ANGPT1: variants seen among roughly 807,000 people sequenced by gnomAD.
ANGPT1 encodes angiopoietin-1.
In ANGPT1, 17 loss-of-function variants were observed where a neutral mutation model predicts 62.2. The ratio of observed to expected loss-of-function variants is 0.27; its 90% CI spans 0.19 to 0.41. The LOEUF (loss-of-function observed/expected upper bound fraction) is 0.41. ANGPT1 is among the 10% of genes least tolerant of loss of function. The probability of loss-of-function intolerance (pLI) is 1.00; values close to 1 mark genes in which losing one functional copy is unlikely to be tolerated. For synonymous variants in ANGPT1, 199 were observed against 198.9 expected (o/e 1.00, Z 0.00); for missense variants, 478 against 594.9 (o/e 0.80, Z 2.04).
intron 1 of ANGPT1, among the ~76,000 whole-genome samples, chr8:107,455,204 T>C (rs1321328267): frequency 1.3e-5 from 2 of 152,094 alleles, no homozygotes; most frequent in African/African-American, 4.8e-5. Flanking sequence ...GAGCCTTTCG[T>C]GATCTCCATG....
chr8:107,429,019 G>A (rs1342445755), intron 1 of ANGPT1, among the ~76,000 whole-genome samples: 2 of 152,054 alleles, frequency 1.3e-5, no homozygotes, highest in African/African-American at 4.8e-5. Context: ...CATATGCATC[G>A]GGCCATGTTA....
At chr8:107,288,374 T>C (rs1323068011) in intron 6 of ANGPT1, among the ~76,000 whole-genome samples, 1 of 152,188 alleles carries the variant, frequency 6.6e-6, no homozygotes, top group Non-Finnish European at 1.5e-5. Flanking sequence ...AAGCCCTCTC[T>C]TTCCATATCT....
intron 3 of ANGPT1, among the ~76,000 whole-genome samples, chr8:107,333,984 G>GGAAGGAA (rs1563573921): frequency 9.9e-5 from 6 of 60,456 alleles, no homozygotes; most frequent in African/African-American, 3.2e-4. Flanking sequence ...GAGGGAGGGA[G>GGAAGGAA]GGAGGGAGGG....
chr8:107,413,623 T>C (rs1351352601), intron 1 of ANGPT1, among the ~76,000 whole-genome samples: 1 of 150,156 alleles, frequency 6.7e-6, no homozygotes, highest in Non-Finnish European at 1.5e-5. Context: ...AATGAATTAC[T>C]ATTTATTAAA....
intron 6 of ANGPT1, 107 bp from the exon 7 acceptor site, chr8:107,284,955 G>T: frequency 1.0e-6 from 1 of 961,828 alleles, no homozygotes; most frequent in East Asian, 3.2e-5. Flanking sequence ...AAAAAGTAAA[G>T]GTTTTTGTTT....
chr8:107,460,651 A>G (rs1167915514), intron 1 of ANGPT1, among the ~76,000 whole-genome samples: 1 of 152,194 alleles, frequency 6.6e-6, no homozygotes, highest in Non-Finnish European at 1.5e-5. Flanking sequence ...TGCAGAGAAC[A>G]TGATGTGCTA....
intron 1 of ANGPT1, among the ~76,000 whole-genome samples, chr8:107,488,886 T>C (rs892475054): frequency 1.3e-5 from 2 of 152,204 alleles, no homozygotes; most frequent in African/African-American, 4.8e-5. Context: ...TGTTAAAATG[T>C]TTTATGAAAT....
At chr8:107,279,853 T>C (rs531207748) in intron 7 of ANGPT1, among the ~76,000 whole-genome samples, 1 of 152,038 alleles carries the variant, frequency 6.6e-6, no homozygotes, top group Admixed American at 6.6e-5. Flanking sequence ...GGATCCTGGA[T>C]AGTTATCCAG....
At chr8:107,330,089 A>C (rs1815385206) in intron 3 of ANGPT1, among the ~76,000 whole-genome samples, 2 of 152,276 alleles carry the variant, frequency 1.3e-5, no homozygotes, top group Admixed American at 1.3e-4. Flanking sequence ...GAGTTGAATA[A>C]GGAATGTCAG....
intron 1 of ANGPT1, among the ~76,000 whole-genome samples, chr8:107,467,513 C>A (rs959038706): frequency 6.6e-6 from 1 of 151,908 alleles, no homozygotes; most frequent in Non-Finnish European, 1.5e-5. Flanking sequence ...CCTGAAGAAA[C>A]CTGGGGACTT....
rs1226606411 is a variant in ANGPT1 at position 107,310,590 on chromosome 8, A to G, written c.809-7223T>C. Among the ~76,000 whole-genome samples, 3 of 152,296 alleles carry G rather than the reference A, an allele frequency of 2.0e-5. No individual in the cohort carries two copies. The East Asian group carries it at 5.8e-4, about 29-fold the overall frequency. On this transcript the variant is annotated intron_variant, in intron 4 of 8. Coordinates refer to ENST00000517746, the MANE Select transcript of ANGPT1 (RefSeq NM_001146.5). ...GAGAGAGGAGGCAGCAATGATAAGA[A>G]CAAAGAATATGTTGACATGAGGATA...
At chr8:107,310,469 T>G (rs1321611756) in intron 4 of ANGPT1, among the ~76,000 whole-genome samples, 1 of 152,160 alleles carries the variant, frequency 6.6e-6, no homozygotes, top group East Asian at 1.9e-4. Context: ...TTATCTCTGC[T>G]GACAAGAGCA....
chr8:107,262,701 A>G (rs1422437672), intron 8 of ANGPT1, among the ~76,000 whole-genome samples: 1 of 152,248 alleles, frequency 6.6e-6, no homozygotes, highest in Non-Finnish European at 1.5e-5. Flanking sequence ...GAACAATTGA[A>G]GGTGGTAGTG....
intron 8 of ANGPT1, among the ~76,000 whole-genome samples, chr8:107,253,389 A>G (rs1310871600): frequency 2.0e-5 from 3 of 152,224 alleles, no homozygotes; most frequent in Admixed American, 2.0e-4. Flanking sequence ...TTTATATTAT[A>G]AAAAGCATTC....
At chr8:107,262,702 G>C (rs1040335976) in intron 8 of ANGPT1, among the ~76,000 whole-genome samples, 1 of 152,216 alleles carries the variant, frequency 6.6e-6, no homozygotes, top group African/African-American at 2.4e-5. Context: ...AACAATTGAA[G>C]GTGGTAGTGA....
At chr8:107,404,019 A>C (rs1817097477) in intron 1 of ANGPT1, among the ~76,000 whole-genome samples, 1 of 152,166 alleles carries the variant, frequency 6.6e-6, no homozygotes, top group Admixed American at 6.6e-5. Context: ...GTTGCAACTT[A>C]ATATATTGGA....
intron 1 of ANGPT1, among the ~76,000 whole-genome samples, chr8:107,420,596 A>T (rs1475259719): frequency 6.6e-6 from 1 of 152,170 alleles, no homozygotes; most frequent in Non-Finnish European, 1.5e-5. Flanking sequence ...GAACAGCCTC[A>T]GGTCTCATAT....
At chr8:107,326,718 A>G (rs1030171258) in intron 3 of ANGPT1, among the ~76,000 whole-genome samples, 3 of 152,152 alleles carry the variant, frequency 2.0e-5, no homozygotes, top group Admixed American at 1.3e-4. Flanking sequence ...TTATATAGCA[A>G]TTTGAAACCT....
intron 7 of ANGPT1, among the ~76,000 whole-genome samples, chr8:107,281,448 C>T (rs930921091): frequency 1.3e-4 from 20 of 152,108 alleles, no homozygotes; most frequent in African/African-American, 4.3e-4. Context: ...TGAATTTGAC[C>T]AAGTCAACTG....
Sources: gnomAD v4.1 joint callset for allele counts (sites outside exome capture counted in the v4.1 genomes callset) on GRCh38, gnomAD v4.1.1 for gene constraint, MANE v1.5 for transcripts, NCBI Gene and HGNC (gene_info 2026-07-23, HGNC 2026-07-21) for gene names.